The following FAAH2 variants were observed in gnomAD, a reference collection of about 807,000 sequenced individuals.
FAAH2 encodes fatty acid amide hydrolase 2.
A neutral mutation model predicts 36.9 loss-of-function variants in FAAH2; 60 were observed. That is an observed-to-expected ratio of 1.63 (90% CI 1.32 to 2.02). FAAH2 has a LOEUF of 2.02. FAAH2 is among the 30% of genes most tolerant of loss of function. FAAH2 has a pLI of 0.00. For synonymous variants in FAAH2, 214 were observed against 143.8 expected (o/e 1.49, Z -3.49); for missense variants, 689 against 397.5 (o/e 1.73, Z -6.23).
chrX:57,364,334 G>A (rs2054358649), intron 5 of FAAH2, among the ~76,000 whole-genome samples: 1 of 108,453 alleles, frequency 9.2e-6, no homozygotes, highest in African/African-American at 3.3e-5. Flanking sequence ...TTTCTAGGTT[G>A]TGTGCAGAGA....
chrX:57,171,533 T>A, the FAAH2 span, among the ~76,000 whole-genome samples: 3 of 111,944 alleles, frequency 2.7e-5, no homozygotes. Flanking sequence ...TTTTTTCATA[T>A]GTTTCTTGGC....
At chrX:57,430,242 T>C (rs182315795) in intron 7 of FAAH2, among the ~76,000 whole-genome samples, 1 of 112,127 alleles carries the variant, frequency 8.9e-6, no homozygotes, top group African/African-American at 3.2e-5. Flanking sequence ...ACTATTCTGA[T>C]TGTAGACTAT....
At chrX:57,169,712 A>AT in the FAAH2 span, among the ~76,000 whole-genome samples, 1 of 101,233 alleles carries the variant, frequency 9.9e-6, no homozygotes, top group East Asian at 3.3e-4. Context: ...AGAGGAAGGG[A>AT]TTTTACCTAT....
At chrX:57,474,579 G>A (rs1206851714) in intron 10 of FAAH2, among the ~76,000 whole-genome samples, 1 of 111,921 alleles carries the variant, frequency 8.9e-6, no homozygotes, top group Non-Finnish European at 1.9e-5. Flanking sequence ...TGATATATAT[G>A]TGCCATGTTT....
At chrX:57,174,776 G>A in the FAAH2 span, among the ~76,000 whole-genome samples, 1 of 111,368 alleles carries the variant, frequency 9.0e-6, no homozygotes, top group Non-Finnish European at 1.9e-5. Flanking sequence ...GATAACTTGT[G>A]TCACTGTTAT....
chrX:57,266,851 C>A, the FAAH2 span, among the ~76,000 whole-genome samples: 1 of 112,459 alleles, frequency 8.9e-6, no homozygotes, highest in Non-Finnish European at 1.9e-5. Flanking sequence ...GAGCATCTGT[C>A]GTGGAGCAGG....
intron 10 of FAAH2, among the ~76,000 whole-genome samples, chrX:57,450,586 C>T (rs757310802): frequency 9.0e-6 from 1 of 111,637 alleles, no homozygotes; most frequent in Non-Finnish European, 1.9e-5. Flanking sequence ...TTGTTGGATG[C>T]CAAATAGGTT....
At chrX:57,287,811 C>T (rs1036918489) in intron 1 of FAAH2, among the ~76,000 whole-genome samples, 3 of 111,269 alleles carry the variant, frequency 2.7e-5, no homozygotes, top group Non-Finnish European at 5.7e-5. Flanking sequence ...ATTTGTTTTT[C>T]GTCATTGCTT....
At chrX:57,198,630 T>G in the FAAH2 span, among the ~76,000 whole-genome samples, 37 of 112,542 alleles carry the variant, frequency 3.3e-4, 1 homozygote, top group African/African-American at 1.2e-3. Context: ...TAATGCTTGG[T>G]CAAAAGTTAT....
the FAAH2 span, among the ~76,000 whole-genome samples, chrX:57,148,860 AG>A: frequency 9.0e-6 from 1 of 111,569 alleles, no homozygotes; most frequent in African/African-American, 3.3e-5. Context: ...GAATGCTTCC[AG>A]TTTTTGCCCA....
At chrX:57,252,937 C>T in the FAAH2 span, among the ~76,000 whole-genome samples, 4 of 112,015 alleles carry the variant, frequency 3.6e-5, no homozygotes, top group Non-Finnish European at 7.5e-5. Context: ...CAGAAGTAGG[C>T]TTCAGAAGGT....
At chrX:57,359,873 G>A (rs1348986620) in intron 5 of FAAH2, among the ~76,000 whole-genome samples, 1 of 111,045 alleles carries the variant, frequency 9.0e-6, no homozygotes, top group African/African-American at 3.3e-5. Context: ...TAAAGGGGAT[G>A]AAAAACCTCA....
the FAAH2 span, among the ~76,000 whole-genome samples, chrX:57,161,223 G>A: frequency 1.8e-5 from 2 of 112,067 alleles, no homozygotes; most frequent in Non-Finnish European, 3.8e-5. Flanking sequence ...TGGTTTCAGA[G>A]ACAGTTTGTT....
At chrX:57,302,747 A>T (rs1021322773) in intron 2 of FAAH2, among the ~76,000 whole-genome samples, 1 of 111,223 alleles carries the variant, frequency 9.0e-6, no homozygotes, top group Non-Finnish European at 1.9e-5. Flanking sequence ...AGATTTTTTT[A>T]AAAACCCTCT....
At chrX:57,395,210 T>C (rs1318043230) in intron 7 of FAAH2, 1 of 550,459 alleles carries the variant, frequency 1.8e-6, no homozygotes, top group Admixed American at 2.3e-5. Flanking sequence ...TTAATGTCAG[T>C]GGCTTTCATC....
chrX:57,463,006 A>T (rs1167925417), intron 10 of FAAH2, among the ~76,000 whole-genome samples: 1 of 111,893 alleles, frequency 8.9e-6, no homozygotes, highest in East Asian at 2.8e-4. Context: ...ATTCCTATAC[A>T]CCAATAATAG....
intron 1 of FAAH2, among the ~76,000 whole-genome samples, chrX:57,287,238 T>C (rs1414319873): frequency 9.0e-6 from 1 of 111,469 alleles, no homozygotes; most frequent in African/African-American, 3.3e-5. Context: ...GGTACCGTCA[T>C]AGTCCTTCCT....
the FAAH2 span, chrX:57,135,718 T>A: frequency 1.8e-6 from 2 of 1,140,300 alleles, no homozygotes; most frequent in Non-Finnish European, 2.3e-6. Flanking sequence ...TGTTTAGTTA[T>A]CAGGGATTCC....
At chrX:57,306,994 G>GATATATATATATGTATATATATAT (rs770040896) in intron 2 of FAAH2, among the ~76,000 whole-genome samples, 2 of 31,023 alleles carry the variant, frequency 6.4e-5, no homozygotes, top group Non-Finnish European at 1.5e-4. Context: ...CACACACACA[G>GATATATATATATGTATATATATAT]ATACATATAT....
Sources: gnomAD v4.1 joint callset for allele counts (sites outside exome capture counted in the v4.1 genomes callset) on GRCh38, gnomAD v4.1.1 for gene constraint, MANE v1.5 for transcripts, NCBI Gene and HGNC (gene_info 2026-07-23, HGNC 2026-07-21) for gene names.